SLC34A1: variants seen among roughly 807,000 people sequenced by gnomAD.
SLC34A1 encodes the protein sodium-dependent phosphate transport protein 2A.
SLC34A1 carries 57 observed loss-of-function variants against 51.4 expected under a neutral mutation model. That is an observed-to-expected ratio of 1.11 (90% CI 0.90 to 1.38). The LOEUF (loss-of-function observed/expected upper bound fraction) is 1.38. Among genes scored for constraint, SLC34A1 ranks in the 40% most tolerant of loss-of-function variants. The pLI, the probability that SLC34A1 is intolerant of heterozygous loss-of-function variation, is 0.00. For synonymous variants in SLC34A1, 368 were observed against 358.0 expected (o/e 1.03, Z -0.32); for missense variants, 796 against 835.6 (o/e 0.95, Z 0.58).
In SLC34A1 at chr5:177,388,066, T is replaced by C. The variant is rs370125782; in HGVS notation, c.717T>C (p.Ala239=). Residue 239 remains alanine, a synonymous_variant, in exon 7 of 13, where the codon GCT becomes GCC. Coordinates refer to ENST00000324417, the MANE Select transcript of SLC34A1 (RefSeq NM_003052.5). This position sits in a 1 kb window ranked among gnomAD's most constrained non-coding sequence, Gnocchi z 4.3. ...TGCTGGTCCTGCTGCCCCTGGAGGC[T>C]GCCACTGGCTACCTGCACCACATCA... is the stretch of plus-strand genomic sequence containing the variant. ...LSVLVLLPLE[A]ATGYLHHITR... The C allele has an allele frequency of 5.0e-6, 8 of 1,614,002 alleles. No individual in the cohort carries two copies. The highest frequency in any genetic ancestry group is 6.8e-6 in the Non-Finnish European group (8 of 1,180,018).
At chr5:177,390,815 G>A (rs1354661869) in intron 8 of SLC34A1, among the ~76,000 whole-genome samples, 1 of 152,030 alleles carries the variant, frequency 6.6e-6, no homozygotes, top group Admixed American at 6.6e-5. Flanking sequence ...ACCTCCTTCA[G>A]TCCCCAGAAG....
At chr5:177,385,198 G>C (rs764015481) in intron 1 of SLC34A1, among the ~76,000 whole-genome samples, 7 of 152,148 alleles carry the variant, frequency 4.6e-5, no homozygotes, top group East Asian at 1.9e-4. Context: ...TTGCTCTCCA[G>C]GTGGGCAAAA....
rs185125634 is a variant in SLC34A1 at position 177,387,711 on chromosome 5, G to A, written c.533-51G>A. 199 of 1,464,350 alleles carry A rather than the reference G, an allele frequency of 1.4e-4. No individual in the cohort carries two copies. The East Asian group carries it at 4.0e-3, about 30-fold the overall frequency. The allele number at this position is 1,464,350 out of a possible 1,614,324, so 90.7% of individuals were successfully genotyped here. On this transcript the variant is annotated intron_variant, in intron 5 of 12. Coordinates refer to ENST00000324417, the MANE Select transcript of SLC34A1 (RefSeq NM_003052.5). ...GGGGCCTGACAGGAGTTGTGGTGGT[G>A]CAGGAGCTGGGTGACCGTCAAATTC...
rs775037480 is a variant in SLC34A1 at position 177,385,837 on chromosome 5, G to GC, written c.99dup (p.Ser34GlnfsTer26). 2 of 1,613,612 alleles carry GC rather than the reference G, an allele frequency of 1.2e-6. No individual in the cohort carries two copies. Among genetic ancestry groups the GC allele is most frequent in the South Asian group, 2.2e-5 (2 of 90,978 alleles). On this transcript the variant is annotated frameshift_variant, in exon 2 of 13. Coordinates refer to ENST00000324417, the MANE Select transcript of SLC34A1 (RefSeq NM_003052.5). LOFTEE classifies it high-confidence loss of function. Reference sequence around the variant, plus strand: ...TGCGAGGGACGGCCTTTGCCTACGTGCCCAGCCCTCAGGGTAAGTGCTGCT... The same window carrying GC: ...TGCGAGGGACGGCCTTTGCCTACGTGCCCCAGCCCTCAGGGTAAGTGCTGCT...
Position 177,385,770 on chromosome 5 carries a change from C to G in SLC34A1, c.29C>G (p.Ser10Cys), listed in dbSNP as rs1201459622. ...TTGTCCTACGGAGAGAGGCTGGGGT[C>G]CCCTGCTGTCTCCCCACTCCCAGTC... MLSYGERLG[S>C]PAVSPLPVRG... Residue 10 changes from serine (S) to cysteine (C), a missense_variant, in exon 2 of 13, where the codon TCC becomes TGC. By Grantham distance (112) the Ser-to-Cys change is moderately radical. Coordinates refer to ENST00000324417, the MANE Select transcript of SLC34A1 (RefSeq NM_003052.5). 1.9e-6 allele frequency: 3 copies of G among 1,612,860 alleles called. No homozygotes were observed. Among genetic ancestry groups the G allele is most frequent in the Non-Finnish European group, 2.5e-6 (3 of 1,179,772 alleles).
chr5:177,398,192 C>T lies in SLC34A1; in HGVS notation c.1826C>T (p.Pro609Leu), dbSNP rs147711480. 8.1e-5 allele frequency: 130 copies of T among 1,610,108 alleles called. No individual in the cohort carries two copies. Among genetic ancestry groups the T allele is most frequent in the African/African-American group, 7.6e-4 (57 of 75,046 alleles). Reference sequence around the variant, plus strand: ...GCCAGGCCTGAGCCCCGCTCACCCCCGCTGCCCCCCAGGGTCTTCCTGGAG... The same window carrying T: ...GCCAGGCCTGAGCCCCGCTCACCCCTGCTGCCCCCCAGGGTCTTCCTGGAG... ...CCARPEPRSPPLPPRVFLEEL... is the reference protein window; with the variant it reads ...CCARPEPRSPLLPPRVFLEEL... The change falls in exon 13 of 13, where the codon CCG becomes CTG. Residue 609 changes from proline to leucine, a missense_variant. Physicochemically the swap from Pro to Leu is moderately conservative, Grantham distance 98. Transcript: ENST00000324417. The surrounding 1 kb of genome is among the most constrained non-coding windows in gnomAD (Gnocchi z 4.7).
At chr5:177,393,866 A>C in intron 9 of SLC34A1, 103 bp downstream of exon 9, 1 of 1,489,722 alleles carries the variant, frequency 6.7e-7, no homozygotes, top group South Asian at 1.1e-5. Context: ...CCCAGGAAGC[A>C]TGGCTGTCAA....
chr5:177,385,265 C>A (rs2127345469), intron 1 of SLC34A1, among the ~76,000 whole-genome samples: 1 of 152,320 alleles, frequency 6.6e-6, no homozygotes, highest in Non-Finnish European at 1.5e-5. Context: ...ACCACGTATT[C>A]CCTGGCCCCC....
Position 177,388,137 on chromosome 5 carries a change from C to A in SLC34A1, c.788C>A (p.Ala263Asp). 6.2e-7 allele frequency: 1 copy of A among 1,614,170 alleles called. No individual in the cohort carries two copies. Among genetic ancestry groups the A allele is most frequent in the Non-Finnish European group, 8.5e-7 (1 of 1,180,018 alleles). Residue 263 changes from alanine (A) to aspartate (D), a missense_variant, in exon 7 of 13, where the codon GCT (alanine) becomes GAT (aspartate). Transcript: ENST00000324417. This position sits in a 1 kb window ranked among gnomAD's most constrained non-coding sequence, Gnocchi z 4.3. ...TTCAACATCCATGGTGGCCGTGATG[C>A]TCCTGACCTGCTCAAGATCATCACA... ...ASFNIHGGRD[A>D]PDLLKIITEP...
rs760010857 is a variant in SLC34A1, at chr5:177,396,983, C to T, written c.1325C>T (p.Pro442Leu). ...GTGATCAGCATTGAGAGGGCCTACC[C>T]GCTCACACTGGGTTCCAACATCGGC... ...LGVISIERAY[P>L]LTLGSNIGTT... Residue 442 changes from proline to leucine, a missense_variant, in exon 12 of 13, where the codon CCG becomes CTG. Physicochemically the swap from Pro to Leu is moderately conservative, Grantham distance 98 (BLOSUM62 -3). Transcript: ENST00000324417. This position sits in a 1 kb window ranked among gnomAD's most constrained non-coding sequence, Gnocchi z 4.0. 1.4e-5 allele frequency: 22 copies of T among 1,614,042 alleles called. No individual in the cohort carries two copies. Among genetic ancestry groups the T allele is most frequent in the Middle Eastern group, 1.6e-4 (1 of 6,080 alleles).
chr5:177,389,525 C>A, intron 8 of SLC34A1: 1 of 1,365,528 alleles, frequency 7.3e-7, no homozygotes, highest in Non-Finnish European at 9.9e-7. Flanking sequence ...AAAACCCCTG[C>A]GGGCAGCTTT....
In SLC34A1 at chr5:177,388,706, G is replaced by C. The variant is rs560859362; in HGVS notation, c.936+334G>C. The stretch of plus-strand genomic sequence containing the variant: ...CCCTTCCCTAGACCTACTGAATCTG[G>C]AAACCCCTGGGAGCGGGGCCAATGG... On this transcript the variant is annotated intron_variant, in intron 8 of 12. Transcript: ENST00000324417. The surrounding 1 kb of genome is among the most constrained non-coding windows in gnomAD (Gnocchi z 4.3). Among the ~76,000 whole-genome samples the C allele has an allele frequency of 7.9e-5, 12 of 152,206 alleles. No homozygotes were observed. The highest frequency in any genetic ancestry group is 2.9e-4 in the African/African-American group (12 of 41,516).
rs529749906 is a variant in SLC34A1, at chr5:177,396,699, G to A, written c.1175-34G>A. 27 of 1,593,062 alleles carry A rather than the reference G, an allele frequency of 1.7e-5. No homozygotes were observed. The East Asian group carries it at 5.8e-4, about 34-fold the overall frequency. ...TCTGCTCTCCCAATGTCCCCGCTCT[G>A]ACCCCAGCCTGCTGGGATGCGGTTT... On this transcript the variant is annotated intron_variant, in intron 10 of 12. Coordinates refer to ENST00000324417, the MANE Select transcript of SLC34A1 (RefSeq NM_003052.5). This position sits in a 1 kb window ranked among gnomAD's most constrained non-coding sequence, Gnocchi z 4.0.
intron 1 of SLC34A1, among the ~76,000 whole-genome samples, chr5:177,385,260 G>A (rs764198119): frequency 7.2e-5 from 11 of 152,172 alleles, no homozygotes; most frequent in Admixed American, 2.6e-4. Flanking sequence ...CCAACACCAC[G>A]TATTCCCTGG....
chr5:177,389,031 C>T (rs1315556203), intron 8 of SLC34A1, among the ~76,000 whole-genome samples: 1 of 152,154 alleles, frequency 6.6e-6, no homozygotes, highest in African/African-American at 2.4e-5. Flanking sequence ...GCCGCTTGTG[C>T]TGGCATCGGG....
rs199565633 is a variant in SLC34A1, at chr5:177,397,849, C to T, written c.1483C>T (p.Arg495Cys). The T allele has an allele frequency of 8.3e-5, 134 of 1,613,484 alleles. No homozygotes were observed. The highest frequency in any genetic ancestry group is 1.3e-4 in the East Asian group (6 of 44,892). ...TCTGTGGTACCCGGTGCCCTGCACA[C>T]GCCTGCCCATCCGCATGGCCAAGGC... ...ILLWYPVPCTRLPIRMAKALG... is the reference protein window; with the variant it reads ...ILLWYPVPCTCLPIRMAKALG... Residue 495 changes from arginine (R) to cysteine (C), a missense_variant, in exon 13 of 13, where the codon CGC becomes TGC. Arg to Cys is a radical substitution (Grantham distance 180). Coordinates refer to ENST00000324417, the MANE Select transcript of SLC34A1 (RefSeq NM_003052.5).
Position 177,397,092 on chromosome 5 carries a change from C to A in SLC34A1, c.1416+18C>A. 6.2e-7 allele frequency: 1 copy of A among 1,611,040 alleles called. No individual in the cohort carries two copies. The highest frequency in any genetic ancestry group is 2.2e-5 in the East Asian group (1 of 44,832). ...CTTTCCAGGTGCGCTGGGAGTGTAG[C>A]CTCGCCTGGGGCAGGATGGAGCTGC... On this transcript the variant is annotated intron_variant, in intron 12 of 12. Coordinates refer to ENST00000324417, the MANE Select transcript of SLC34A1 (RefSeq NM_003052.5).
rs1378810115 is a variant in SLC34A1, at chr5:177,386,528, C to T, written c.494C>T (p.Thr165Ile). The T allele has an allele frequency of 6.2e-7, 1 of 1,613,936 alleles. No individual in the cohort carries two copies. The highest frequency in any genetic ancestry group is 1.1e-5 in the South Asian group (1 of 91,082). ...LVTVLVQSSS[T>I]STSIIVSMVS... Reference sequence around the variant, plus strand: ...ACCGTGCTGGTGCAGAGCTCCAGCACCTCCACATCCATCATCGTCAGCATG... The same window carrying T: ...ACCGTGCTGGTGCAGAGCTCCAGCATCTCCACATCCATCATCGTCAGCATG... The change falls in exon 5 of 13, where the codon ACC (threonine) becomes ATC (isoleucine). Residue 165 changes from threonine (T) to isoleucine (I), a missense_variant. Physicochemically the swap from Thr to Ile is moderately conservative, Grantham distance 89 (BLOSUM62 -1). Coordinates refer to ENST00000324417, the MANE Select transcript of SLC34A1 (RefSeq NM_003052.5). This position sits in a 1 kb window ranked among gnomAD's most constrained non-coding sequence, Gnocchi z 4.8.
chr5:177,397,171 C>T, intron 12 of SLC34A1, 97 bp downstream of exon 12: 1 of 1,495,864 alleles, frequency 6.7e-7, no homozygotes, highest in Non-Finnish European at 9.0e-7. Flanking sequence ...AATATTTTGA[C>T]TGCCTACTAA....
Sources: allele counts gnomAD v4.1 joint callset (sites outside exome capture counted in the v4.1 genomes callset), GRCh38; gene constraint gnomAD v4.1.1; non-coding constraint Gnocchi (gnomAD v3.1); transcripts MANE v1.5; gene names NCBI Gene and HGNC (gene_info 2026-07-23, HGNC 2026-07-21).